Variants in CDH18 observed in about 807,000 individuals in gnomAD.
CDH18 encodes the protein cadherin-18.
CDH18 carries 31 observed loss-of-function variants against 67.9 expected under a neutral mutation model. That is an observed-to-expected ratio of 0.46 (90% CI 0.34 to 0.62). The LOEUF (loss-of-function observed/expected upper bound fraction) is 0.62. CDH18 is among the 20% of genes least tolerant of loss of function. The probability of loss-of-function intolerance (pLI) is 0.01; values close to 1 mark genes in which losing one functional copy is unlikely to be tolerated. For missense variants in CDH18, 890 were observed against 975.5 expected (o/e 0.91, Z 1.17); for synonymous variants, 362 against 347.2 (o/e 1.04, Z -0.48).
chr5:19,598,384 T>C (rs2150054963), intron 6 of CDH18, among the ~76,000 whole-genome samples: 1 of 152,232 alleles, frequency 6.6e-6, no homozygotes, highest in African/African-American at 2.4e-5. Context: ...CATCTCCAAC[T>C]TTACGCTGGG....
intron 5 of CDH18, among the ~76,000 whole-genome samples, chr5:19,649,264 C>T (rs911813460): frequency 7.2e-5 from 11 of 151,956 alleles, no homozygotes; most frequent in South Asian, 2.1e-4. Context: ...TTTGTTTGTC[C>T]CTTAAGTGAA....
chr5:20,397,255 C>T (rs565936883), intron 1 of CDH18, among the ~76,000 whole-genome samples: 36 of 152,022 alleles, frequency 2.4e-4, no homozygotes, highest in Non-Finnish European at 3.2e-4. Flanking sequence ...CTCAGCCTCC[C>T]GAGTAGCTGG....
At chr5:19,878,158 G>A (rs1433798803) in intron 2 of CDH18, 2 of 151,878 alleles carry the variant, frequency 1.3e-5, no homozygotes, top group Admixed American at 6.6e-5. Flanking sequence ...CAATTTGAGG[G>A]GAATTTCAAC....
intron 2 of CDH18, among the ~76,000 whole-genome samples, chr5:19,882,206 C>A (rs1393337665): frequency 1.3e-5 from 2 of 152,038 alleles, no homozygotes; most frequent in East Asian, 1.9e-4. Flanking sequence ...GCAATGTTCA[C>A]AATTTACAGT....
At chr5:20,241,762 G>C (rs1008921902) in intron 2 of CDH18, among the ~76,000 whole-genome samples, 13 of 151,210 alleles carry the variant, frequency 8.6e-5, no homozygotes, top group Non-Finnish European at 1.5e-4. Context: ...TGAAGCAGGA[G>C]AATGGCGTGA....
intron 5 of CDH18, among the ~76,000 whole-genome samples, chr5:19,659,320 A>T (rs1239245557): frequency 6.6e-6 from 1 of 152,152 alleles, no homozygotes; most frequent in Non-Finnish European, 1.5e-5. Flanking sequence ...CTGAACATTT[A>T]TGGCATGGCT....
intron 1 of CDH18, among the ~76,000 whole-genome samples, chr5:20,467,969 TTTAC>T (rs1429195207): frequency 6.6e-6 from 1 of 150,552 alleles, no homozygotes; most frequent in Non-Finnish European, 1.5e-5. Flanking sequence ...TATTATTCTA[TTTAC>T]TTACTTTTTA....
At chr5:19,506,070 T>C (rs1452803561) in intron 10 of CDH18, among the ~76,000 whole-genome samples, 2 of 152,120 alleles carry the variant, frequency 1.3e-5, no homozygotes, top group Admixed American at 1.3e-4. Flanking sequence ...TCAAGGAATT[T>C]ATCCATTTCA....
chr5:20,549,717 T>G (rs1413648946), intron 1 of CDH18, among the ~76,000 whole-genome samples: 2 of 152,080 alleles, frequency 1.3e-5, no homozygotes, highest in African/African-American at 2.4e-5. Flanking sequence ...TGTACTGAAA[T>G]AAACCGCTAT....
chr5:20,075,990 A>G (rs938562008), intron 2 of CDH18, among the ~76,000 whole-genome samples: 1 of 152,198 alleles, frequency 6.6e-6, no homozygotes, highest in Non-Finnish European at 1.5e-5. Context: ...GCTATTGAGT[A>G]AAATGGATAC....
chr5:19,612,513 T>G lies in CDH18; in HGVS notation c.732A>C (p.Gln244His). The change falls in exon 6 of 13, where the codon CAA becomes CAC. Residue 244 changes from glutamine to histidine, a missense_variant. Coordinates refer to ENST00000382275, the MANE Select transcript of CDH18 (RefSeq NM_004934.5). ...VVIQAKDMAG[Q>H]VGGLSGSTTV... ...TTGTAGATCCTGAAAGCCCTCCAAC[T>G]TGCCCAGCCATGTCTTTGGCTTGAA... The G allele has an allele frequency of 6.2e-7, 1 of 1,614,096 alleles. No homozygotes were observed. Among genetic ancestry groups the G allele is most frequent in the Non-Finnish European group, 8.5e-7 (1 of 1,180,006 alleles).
At chr5:20,500,540 T>C (rs949707095) in intron 1 of CDH18, among the ~76,000 whole-genome samples, 1 of 152,134 alleles carries the variant, frequency 6.6e-6, no homozygotes, top group African/African-American at 2.4e-5. Flanking sequence ...ATGGCCTTCA[T>C]CTGGTATTGG....
intron 3 of CDH18, among the ~76,000 whole-genome samples, chr5:19,808,677 A>G (rs1395882970): frequency 1.3e-5 from 2 of 151,586 alleles, no homozygotes; most frequent in Non-Finnish European, 2.9e-5. Flanking sequence ...AAAAAAATAC[A>G]AAAATTAGCC....
chr5:19,859,681 G>T (rs1465842023), intron 2 of CDH18, among the ~76,000 whole-genome samples: 4 of 152,174 alleles, frequency 2.6e-5, no homozygotes, highest in Middle Eastern at 6.8e-3. Context: ...CTTTAAATCT[G>T]CTTAGGACCA....
intron 1 of CDH18, among the ~76,000 whole-genome samples, chr5:20,411,715 G>C (rs1227958103): frequency 6.6e-6 from 1 of 151,274 alleles, no homozygotes; most frequent in Non-Finnish European, 1.5e-5. Flanking sequence ...CTGATAAGGA[G>C]TTAATTTCTA....
At chr5:20,114,478 T>A (rs1747729331) in intron 2 of CDH18, among the ~76,000 whole-genome samples, 1 of 152,076 alleles carries the variant, frequency 6.6e-6, no homozygotes. Flanking sequence ...GTGAAAGTTG[T>A]GATCTGGAAG....
chr5:20,357,328 C>T (rs908145091), intron 1 of CDH18, among the ~76,000 whole-genome samples: 1 of 152,122 alleles, frequency 6.6e-6, no homozygotes, highest in Admixed American at 6.6e-5. Context: ...GCAATTGTCA[C>T]TAGTTTGAAA....
chr5:19,776,988 T>G (rs1476787665), intron 3 of CDH18, among the ~76,000 whole-genome samples: 2 of 152,092 alleles, frequency 1.3e-5, no homozygotes, highest in Non-Finnish European at 2.9e-5. Flanking sequence ...ATACAAGTGT[T>G]GAGAAAGAAA....
intron 3 of CDH18, among the ~76,000 whole-genome samples, chr5:19,756,923 G>C (rs961789060): frequency 6.6e-6 from 1 of 152,116 alleles, no homozygotes; most frequent in Admixed American, 6.5e-5. Context: ...ACAATATAGC[G>C]GATGCTGATT....
Sources: gnomAD v4.1 joint callset for allele counts (sites outside exome capture counted in the v4.1 genomes callset) on GRCh38, gnomAD v4.1.1 for gene constraint, MANE v1.5 for transcripts, NCBI Gene and HGNC (gene_info 2026-07-23, HGNC 2026-07-21) for gene names.